EMX2: variants seen among roughly 807,000 people sequenced by gnomAD.
EMX2 encodes the protein homeobox protein EMX2.
Under a neutral mutation model 23.0 loss-of-function variants are expected in EMX2, and 6 were observed. The ratio of observed to expected loss-of-function variants is 0.26; its 90% confidence interval spans 0.14 to 0.52. The LOEUF (loss-of-function observed/expected upper bound fraction) is 0.52, where lower values mean the gene tolerates loss of function less well. EMX2 is among the 20% of genes least tolerant of loss of function. The pLI is 0.97. For missense variants in EMX2, 302 were observed against 341.4 expected (o/e 0.88, Z 0.91); for synonymous variants, 175 against 153.3 (o/e 1.14, Z -1.04).
rs752367965 is a variant in EMX2, at chr10:117,548,981, C to G, written c.*749C>G. 1 of 183,772 alleles carries G rather than the reference C, an allele frequency of 5.4e-6. No homozygotes were observed. The highest frequency in any genetic ancestry group is 2.5e-5 in the African/African-American group (1 of 40,094). The allele number at this position is 183,772 out of a possible 1,614,324, so 11.4% of individuals were successfully genotyped here. A position where few individuals can be genotyped will look rare whatever the true frequency, so the allele number is the denominator to read the frequency against. ...GTCTGTAAACACTTTTTGATACCTT[C>G]TGATGTCAAAGTGATTGTGCAAGCT... On this transcript the variant is annotated 3_prime_UTR_variant, in exon 3 of 3. Transcript: ENST00000553456.
Position 117,549,207 on chromosome 10 carries a change from C to T in EMX2, c.*975C>T, listed in dbSNP as rs1846625825. The T allele has an allele frequency of 6.6e-6, 1 of 152,644 alleles. No individual in the cohort carries two copies. The highest frequency in any genetic ancestry group is 6.5e-5 in the Admixed American group (1 of 15,278). The allele number at this position is 152,644 out of a possible 1,614,324, so 9.5% of individuals were successfully genotyped here. ...CTTAAAACCCTGATGCAAACTTCTC[C>T]TTTCAGTGGTTGGAGAAATTGGCCG... On this transcript the variant is annotated 3_prime_UTR_variant, in exon 3 of 3. Coordinates refer to ENST00000553456, the MANE Select transcript of EMX2 (RefSeq NM_004098.4).
rs1846521961 is a variant in EMX2 at position 117,543,347 on chromosome 10, C to T, written c.80C>T (p.Ser27Phe). The change falls in exon 1 of 3, where the codon TCC becomes TTC. Residue 27 changes from serine to phenylalanine, a missense_variant. Around this residue, in one of 4 missense-constraint regions of EMX2, gnomAD observed 221 missense variants for 206.8 expected, o/e 1.07. Transcript: ENST00000553456. ...AKDSPLPASR[S>F]EDPIRPAALS... ...GACAGTCCCCTGCCCGCCTCGCGCTCCGAGGACCCCATCCGTCCCGCGGCA... is the reference window on the plus strand; with the variant it reads ...GACAGTCCCCTGCCCGCCTCGCGCTTCGAGGACCCCATCCGTCCCGCGGCA... 6.4e-7 allele frequency: 1 copy of T among 1,560,316 alleles called. No individual in the cohort carries two copies. The highest frequency in any genetic ancestry group is 8.7e-7 in the Non-Finnish European group (1 of 1,152,892).
chr10:117,545,949 T>G, intron 2 of EMX2, 133 bp downstream of exon 2: 3 of 1,285,692 alleles, frequency 2.3e-6, no homozygotes, highest in African/African-American at 1.5e-5. Flanking sequence ...GTTCCACGCC[T>G]GGGCTCGGGA....
intron 1 of EMX2, 89 bp downstream of exon 1, chr10:117,543,762 C>T (rs1247724306): frequency 6.3e-7 from 1 of 1,598,576 alleles, no homozygotes; most frequent in Non-Finnish European, 8.5e-7. Flanking sequence ...CTTGGCAAGG[C>T]CTGGGCGGAG....
rs374274099 is a variant in EMX2 at position 117,545,369 on chromosome 10, C to A, written c.407-263C>A. On this transcript the variant is annotated intron_variant, in intron 1 of 2. Transcript: ENST00000553456. ...GCGCCAGGGCGGCTGCGGAGCCGGC[C>A]GAGGTCAGGAGCCTGGGGACTGGCT... 1.8e-4 allele frequency: 69 copies of A among 387,362 alleles called. 1 individual carries two copies. In the East Asian group the frequency reaches 2.6e-3, roughly 15 times the overall value. 24.0% of individuals were successfully genotyped at this position (387,362 alleles called of 1,614,324 possible).
At chr10:117,545,385 G>C (rs1846561964) in intron 1 of EMX2, among the ~76,000 whole-genome samples, 1 of 152,196 alleles carries the variant, frequency 6.6e-6, no homozygotes, top group South Asian at 2.1e-4. Context: ...CAGGAGCCTG[G>C]GGACTGGCTC....
At chr10:117,543,835 G>A (rs975865088) in intron 1 of EMX2, among the ~76,000 whole-genome samples, 162 bp downstream of exon 1, 1 of 152,254 alleles carries the variant, frequency 6.6e-6, no homozygotes, top group East Asian at 1.9e-4. Context: ...GGCCGGGCGT[G>A]GTGTCGATCC....
At position 117,543,580 on chromosome 10, in the gene EMX2, C is replaced by T. The variant is rs552358173; in HGVS notation, c.313C>T (p.Pro105Ser). 8 of 1,613,320 alleles carry T rather than the reference C, an allele frequency of 5.0e-6. No homozygotes were observed. In the African/African-American group the frequency reaches 8.0e-5, roughly 16 times the overall value. ...CCACCCCCTACCCTCCTCGCACTCGCCACACCCCCTATTCGCCTCGCAGCA... is the reference window on the plus strand; with the variant it reads ...CCACCCCCTACCCTCCTCGCACTCGTCACACCCCCTATTCGCCTCGCAGCA... ...AAHPLPSSHS[P>S]HPLFASQQRD... Residue 105 changes from proline to serine, a missense_variant, in exon 1 of 3, where the codon CCA becomes TCA. Coordinates refer to ENST00000553456, the MANE Select transcript of EMX2 (RefSeq NM_004098.4).
chr10:117,548,214 C>T lies in EMX2; in HGVS notation c.741C>T (p.Asp247=), dbSNP rs776602753. 3.7e-6 allele frequency: 6 copies of T among 1,613,622 alleles called. No individual in the cohort carries two copies. The highest frequency in any genetic ancestry group is 3.3e-5 in the Admixed American group (2 of 59,966). Residue 247 remains aspartate (D), a synonymous_variant, in exon 3 of 3, where the codon GAC becomes GAT. Coordinates refer to ENST00000553456, the MANE Select transcript of EMX2 (RefSeq NM_004098.4). Reference sequence around the variant, plus strand: ...AGCAGGCGAGTCCGGAGGAAATAGACGTGACCTCAGATGATTAAAAACATA... The same window carrying T: ...AGCAGGCGAGTCCGGAGGAAATAGATGTGACCTCAGATGATTAAAAACATA... ...ATKQASPEEI[D]VTSDD
Position 117,548,437 on chromosome 10 carries a change from G to A in EMX2, c.*205G>A, listed in dbSNP as rs1846611316. 4 of 725,290 alleles carry A rather than the reference G, an allele frequency of 5.5e-6. No homozygotes were observed. The highest frequency in any genetic ancestry group is 3.8e-5 in the South Asian group (2 of 52,564). The allele number at this position is 725,290 out of a possible 1,614,324, so 44.9% of individuals were successfully genotyped here. A position where few individuals can be genotyped will look rare whatever the true frequency, so the allele number is the denominator to read the frequency against. On this transcript the variant is annotated 3_prime_UTR_variant, in exon 3 of 3. Transcript: ENST00000553456. ...TCCCAAACCGAGGCCGCGCCAAGATGGCAGAGGATGGAGGCTCCTTCATCA... is the reference window on the plus strand; with the variant it reads ...TCCCAAACCGAGGCCGCGCCAAGATAGCAGAGGATGGAGGCTCCTTCATCA...
In EMX2 at chr10:117,543,372, A is replaced by T. The variant is rs373030604; in HGVS notation, c.105A>T (p.Ala35=). Residue 35 remains alanine, a synonymous_variant, in exon 1 of 3, where the codon GCA becomes GCT. Coordinates refer to ENST00000553456, the MANE Select transcript of EMX2 (RefSeq NM_004098.4). ...SRSEDPIRPA[A]LSYANSSPIN... ...CCGAGGACCCCATCCGTCCCGCGGC[A>T]CTCAGCTACGCTAACTCCAGCCCCA... 670 of 1,571,416 alleles carry T rather than the reference A, an allele frequency of 4.3e-4. 5 individuals carry two copies. In the Admixed American group the frequency reaches 9.0e-3, roughly 21 times the overall value.
In EMX2 at chr10:117,548,289, G is replaced by C; in HGVS notation, c.*57G>C. Reference sequence around the variant, plus strand: ...ACATGGAGCAAAAGAGACAGGGAGAGGTGGAGAAGGAAAAAACCCTACAAA... The same window carrying C: ...ACATGGAGCAAAAGAGACAGGGAGACGTGGAGAAGGAAAAAACCCTACAAA... On this transcript the variant is annotated 3_prime_UTR_variant, in exon 3 of 3. Transcript: ENST00000553456. 1 of 1,596,734 alleles carries C rather than the reference G, an allele frequency of 6.3e-7. No individual in the cohort carries two copies. Among genetic ancestry groups the C allele is most frequent in the South Asian group, 1.1e-5 (1 of 88,786 alleles).
chr10:117,545,750 G>T lies in EMX2; in HGVS notation c.525G>T (p.Lys175Asn), dbSNP rs973410683. 6.2e-7 allele frequency: 1 copy of T among 1,613,952 alleles called. No homozygotes were observed. The highest frequency in any genetic ancestry group is 8.5e-7 in the Non-Finnish European group (1 of 1,180,058). Residue 175 changes from lysine to asparagine, a missense_variant, in exon 2 of 3, where the codon AAG becomes AAT. Transcript: ENST00000553456. ...QLLRLEHAFEKNHYVVGAERK... is the reference protein window; with the variant it reads ...QLLRLEHAFENNHYVVGAERK... ...TAAGGCTGGAACACGCCTTTGAGAA[G>T]AATCACTACGTGGTGGGCGCCGAAA...
At chr10:117,543,752 C>T in intron 1 of EMX2, 79 bp downstream of exon 1, 1 of 1,605,952 alleles carries the variant, frequency 6.2e-7, no homozygotes. Flanking sequence ...CGGGTGGGCG[C>T]TTGGCAAGGC....
Position 117,543,344 on chromosome 10 carries a change from G to T in EMX2, c.77G>T (p.Arg26Leu). The T allele has an allele frequency of 6.4e-7, 1 of 1,558,732 alleles. No individual in the cohort carries two copies. Among genetic ancestry groups the T allele is most frequent in the East Asian group, 2.4e-5 (1 of 41,286 alleles). Residue 26 changes from arginine (R) to leucine (L), a missense_variant, in exon 1 of 3, where the codon CGC (arginine) becomes CTC (leucine). By Grantham distance (102) the Arg-to-Leu change is moderately radical. Transcript: ENST00000553456. ...AAGGACAGTCCCCTGCCCGCCTCGCGCTCCGAGGACCCCATCCGTCCCGCG... is the reference window on the plus strand; with the variant it reads ...AAGGACAGTCCCCTGCCCGCCTCGCTCTCCGAGGACCCCATCCGTCCCGCG... ...VAKDSPLPASRSEDPIRPAAL... is the reference protein window; with the variant it reads ...VAKDSPLPASLSEDPIRPAAL...
intron 1 of EMX2, chr10:117,544,759 G>A (rs1046054258): frequency 1.3e-5 from 2 of 152,154 alleles, no homozygotes; most frequent in African/African-American, 4.8e-5. Context: ...CTGGACTGTC[G>A]GCTTGTTTTT....
rs1398302397 is a variant in EMX2, at chr10:117,548,265, C to G, written c.*33C>G. 6.2e-7 allele frequency: 1 copy of G among 1,611,066 alleles called. No individual in the cohort carries two copies. Among genetic ancestry groups the G allele is most frequent in the East Asian group, 2.2e-5 (1 of 44,756 alleles). ...AACCTAACCCCACAGAAACGGACAA[C>G]ATGGAGCAAAAGAGACAGGGAGAGG... On this transcript the variant is annotated 3_prime_UTR_variant, in exon 3 of 3. Transcript: ENST00000553456.
Position 117,548,405 on chromosome 10 carries a change from C to T in EMX2, c.*173C>T. ...CGGCGAAGACTCTGGACAGCGAGGGCACAGGGTCCCAAACCGAGGCCGCGC... is the reference window on the plus strand; with the variant it reads ...CGGCGAAGACTCTGGACAGCGAGGGTACAGGGTCCCAAACCGAGGCCGCGC... On this transcript the variant is annotated 3_prime_UTR_variant, in exon 3 of 3. Coordinates refer to ENST00000553456, the MANE Select transcript of EMX2 (RefSeq NM_004098.4). The T allele has an allele frequency of 1.9e-6, 2 of 1,066,808 alleles. No homozygotes were observed. The highest frequency in any genetic ancestry group is 1.6e-5 in the South Asian group (1 of 61,570). The allele number at this position is 1,066,808 out of a possible 1,614,324, so 66.1% of individuals were successfully genotyped here. A position where few individuals can be genotyped will look rare whatever the true frequency, so the allele number is the denominator to read the frequency against.
intron 1 of EMX2, 66 bp from the exon 2 acceptor site, chr10:117,545,566 G>A: frequency 6.2e-7 from 1 of 1,600,898 alleles, no homozygotes; most frequent in Non-Finnish European, 8.5e-7. Context: ...AGCCCGGCTC[G>A]GGAGAAGTGC....
Sources: gnomAD v4.1 joint callset for allele counts (sites outside exome capture counted in the v4.1 genomes callset) on GRCh38, gnomAD v4.1.1 for gene constraint, gnomAD v4.1.1 regional missense constraint, MANE v1.5 for transcripts, NCBI Gene and HGNC (gene_info 2026-07-23, HGNC 2026-07-21) for gene names.